AHDC1: variants seen among roughly 807,000 people sequenced by gnomAD.
AHDC1 encodes the protein AT-hook DNA binding motif containing 1.
In AHDC1, 7 loss-of-function variants were observed where a neutral mutation model predicts 87.9. The ratio of observed to expected loss-of-function variants is 0.08; its 90% confidence interval spans 0.05 to 0.15. AHDC1 has a LOEUF of 0.15. Ranked by LOEUF, AHDC1 falls within the 10% of genes least tolerant of loss-of-function variation. AHDC1 has a pLI of 1.00. For synonymous variants in AHDC1, 1,051 were observed against 1,006.8 expected (o/e 1.04, Z -0.83); for missense variants, 1,841 against 2,253.2 (o/e 0.82, Z 3.70).
intron 3 of AHDC1, among the ~76,000 whole-genome samples, chr1:27,579,161 C>A (rs372666188): frequency 1.3e-5 from 2 of 151,842 alleles, no homozygotes; most frequent in South Asian, 4.2e-4. Flanking sequence ...CCACCTCAGC[C>A]TCTTGCATAG....
At position 27,552,028 on chromosome 1, in the gene AHDC1, C is replaced by A; in HGVS notation, c.88G>T (p.Gly30Cys). ...AGGGGCCGGGGGGTGGGGGGGCCGCCGGGGTAGTACTTGGGTTCCCGGAGG... is the reference window on the plus strand; with the variant it reads ...AGGGGCCGGGGGGTGGGGGGGCCGCAGGGGTAGTACTTGGGTTCCCGGAGG... ...DYLREPKYYP[G>C]GPPTPRPLLP... Residue 30 changes from glycine (G) to cysteine (C), a missense_variant, in exon 8 of 9, where the codon GGC becomes TGC. Coordinates refer to ENST00000673934, the MANE Select transcript of AHDC1 (RefSeq NM_001371928.1). The A allele has an allele frequency of 6.9e-7, 1 of 1,439,790 alleles. No individual in the cohort carries two copies. 89.2% of individuals were successfully genotyped at this position (1,439,790 alleles called of 1,614,324 possible).
chr1:27,540,457 G>A (rs1276352929), intron 8 of AHDC1, among the ~76,000 whole-genome samples: 1 of 152,028 alleles, frequency 6.6e-6, no homozygotes, highest in African/African-American at 2.4e-5. Flanking sequence ...CTGGGTGGGG[G>A]AGGGGAGGAC....
chr1:27,539,394 C>T (rs2018803584), intron 8 of AHDC1, among the ~76,000 whole-genome samples: 1 of 152,078 alleles, frequency 6.6e-6, no homozygotes, highest in Non-Finnish European at 1.5e-5. Context: ...ACCTCGGCAC[C>T]CCAAAGTGCT....
In AHDC1 at chr1:27,548,096, G is replaced by C; in HGVS notation, c.4020C>G (p.Pro1340=). 1.2e-6 allele frequency: 2 copies of C among 1,613,954 alleles called. No individual in the cohort carries two copies. Among genetic ancestry groups the C allele is most frequent in the South Asian group, 1.1e-5 (1 of 91,086 alleles). The change falls in exon 8 of 9, where the codon CCC becomes CCG. Residue 1340 remains proline (P), a synonymous_variant. Coordinates refer to ENST00000673934, the MANE Select transcript of AHDC1 (RefSeq NM_001371928.1). ...SRAFGVGERD[P]CDFIGPYSMN... The stretch of plus-strand genomic sequence containing the variant: ...TGGAGTAGGGTCCTATGAAGTCACA[G>C]GGGTCTCGCTCTCCCACGCCGAAGG...
In AHDC1 at chr1:27,556,652, G is replaced by A. The variant is rs571796953; in HGVS notation, c.-225+1653C>T. Among the ~76,000 whole-genome samples, 22 of 152,166 alleles carry A rather than the reference G, an allele frequency of 1.4e-4. 1 individual carries two copies. The East Asian group carries it at 3.9e-3, about 27-fold the overall frequency. Reference sequence around the variant, plus strand: ...CTCATTTGGCATCATTTAAATAGAGGCACAGAGAGGTTAAGTTATGCCCTT... The same window carrying A: ...CTCATTTGGCATCATTTAAATAGAGACACAGAGAGGTTAAGTTATGCCCTT... On this transcript the variant is annotated intron_variant, in intron 5 of 8. Transcript: ENST00000673934.
intron 3 of AHDC1, among the ~76,000 whole-genome samples, chr1:27,592,813 TG>T (rs943065175): frequency 5.3e-5 from 8 of 152,116 alleles, no homozygotes; most frequent in Non-Finnish European, 8.8e-5. Flanking sequence ...CTGTGAGGGC[TG>T]GGGGTGGGAC....
At position 27,549,047 on chromosome 1, in the gene AHDC1, C is replaced by A; in HGVS notation, c.3069G>T (p.Pro1023=). Residue 1023 remains proline, a synonymous_variant, in exon 8 of 9, where the codon CCG becomes CCT. Coordinates refer to ENST00000673934, the MANE Select transcript of AHDC1 (RefSeq NM_001371928.1). ...SSAHSAGYAP[P]PTGGPCLPPS... ...GTGGCAGGCAGGGGCCCCCGGTAGG[C>A]GGTGGGGCATAGCCGGCGCTGTGGG... is the stretch of plus-strand genomic sequence containing the variant. The A allele has an allele frequency of 6.3e-7, 1 of 1,575,678 alleles. No homozygotes were observed. The highest frequency in any genetic ancestry group is 2.2e-5 in the East Asian group (1 of 44,492).
chr1:27,569,457 C>T (rs1347074640), intron 3 of AHDC1, among the ~76,000 whole-genome samples: 6 of 152,178 alleles, frequency 3.9e-5, no homozygotes, highest in Non-Finnish European at 7.3e-5. Flanking sequence ...TCCCATCACA[C>T]CACCTTACAC....
chr1:27,594,260 C>G (rs2089305038), intron 3 of AHDC1, among the ~76,000 whole-genome samples: 1 of 152,172 alleles, frequency 6.6e-6, no homozygotes, highest in Non-Finnish European at 1.5e-5. Context: ...GGTAGTATGT[C>G]AATCCAGCAC....
chr1:27,596,453 G>A lies in AHDC1; in HGVS notation c.-629+6944C>T, dbSNP rs994860630. ...AGAGAGGAAGAGGGAGGACAGGGGC[G>A]GGTATGTCTGTCCTTGTGCATCTGT... is the stretch of plus-strand genomic sequence containing the variant. On this transcript the variant is annotated intron_variant, in intron 3 of 8. Transcript: ENST00000673934. 3.9e-5 allele frequency among the ~76,000 whole-genome samples: 6 copies of A among 152,074 alleles called. No individual in the cohort carries two copies. In the East Asian group the frequency reaches 7.7e-4, roughly 20 times the overall value.
At chr1:27,589,319 G>C (rs1456028245) in intron 3 of AHDC1, among the ~76,000 whole-genome samples, 2 of 152,160 alleles carry the variant, frequency 1.3e-5, no homozygotes, top group Non-Finnish European at 2.9e-5. Flanking sequence ...GCCTGTGCTC[G>C]TGTGAGTACC....
intron 8 of AHDC1, among the ~76,000 whole-genome samples, chr1:27,542,362 C>A (rs192706233): frequency 2.8e-4 from 42 of 152,250 alleles, no homozygotes; most frequent in African/African-American, 9.9e-4. Flanking sequence ...GCCCCAAATC[C>A]ACACTAGAAT....
At chr1:27,567,709 C>T (rs370047763) in intron 3 of AHDC1, among the ~76,000 whole-genome samples, 1 of 152,228 alleles carries the variant, frequency 6.6e-6, no homozygotes. Flanking sequence ...AACACAAGCA[C>T]CCCCAAATCA....
chr1:27,551,305 G>A lies in AHDC1; in HGVS notation c.811C>T (p.Pro271Ser), dbSNP rs200660997. ...TGGGGGTCCAGGAGCTGAGGCTCCG[G>A]CTCGGGCGATGGTGGCTCGAGGGCC... is the stretch of plus-strand genomic sequence containing the variant. ...AQALEPPSPE[P>S]EPQLLDPQPR... Residue 271 changes from proline (P) to serine (S), a missense_variant, in exon 8 of 9, where the codon CCG becomes TCG. Coordinates refer to ENST00000673934, the MANE Select transcript of AHDC1 (RefSeq NM_001371928.1). 2.5e-6 allele frequency: 4 copies of A among 1,611,490 alleles called. No individual in the cohort carries two copies. The highest frequency in any genetic ancestry group is 3.4e-6 in the Non-Finnish European group (4 of 1,179,320).
intron 5 of AHDC1, among the ~76,000 whole-genome samples, chr1:27,555,689 C>T (rs1434192344): frequency 6.6e-6 from 1 of 152,224 alleles, no homozygotes; most frequent in African/African-American, 2.4e-5. Context: ...CTGGCACCCA[C>T]TTGGAGATGC....
Position 27,534,375 on chromosome 1 carries a change from A to T in AHDC1, c.*585T>A, listed in dbSNP as rs1234844386. 1.3e-5 allele frequency: 2 copies of T among 151,072 alleles called. No individual in the cohort carries two copies. Among genetic ancestry groups the T allele is most frequent in the Non-Finnish European group, 2.9e-5 (2 of 67,832 alleles). 9.4% of individuals were successfully genotyped at this position (151,072 alleles called of 1,614,324 possible). A position where few individuals can be genotyped will look rare whatever the true frequency, so the allele number is the denominator to read the frequency against. On this transcript the variant is annotated 3_prime_UTR_variant, in exon 9 of 9. Coordinates refer to ENST00000673934, the MANE Select transcript of AHDC1 (RefSeq NM_001371928.1). Reference sequence around the variant, plus strand: ...ACAACAACAACAGAAGAGAAAACCCAAAAGAGTGAAAAATAAGAAAGAAAA... The same window carrying T: ...ACAACAACAACAGAAGAGAAAACCCTAAAGAGTGAAAAATAAGAAAGAAAA...
chr1:27,543,713 G>T (rs2148231043), intron 8 of AHDC1, among the ~76,000 whole-genome samples: 1 of 152,284 alleles, frequency 6.6e-6, no homozygotes, highest in East Asian at 1.9e-4. Context: ...GGGAGGCTGA[G>T]GCAGGTGATT....
intron 3 of AHDC1, among the ~76,000 whole-genome samples, chr1:27,564,048 C>A (rs114265029): frequency 0.01 from 1,581 of 152,290 alleles, 21 homozygotes; most frequent in African/African-American, 0.035. Flanking sequence ...TTGAGACCCC[C>A]ATAGCTTCCA....
rs952771881 is a variant in AHDC1, at chr1:27,603,712, C to A, written c.-727+16G>T. 4 of 149,384 alleles carry A rather than the reference C, an allele frequency of 2.7e-5. No individual in the cohort carries two copies. Among genetic ancestry groups the A allele is most frequent in the Admixed American group, 2.6e-4 (4 of 15,116 alleles). The allele number at this position is 149,384 out of a possible 1,614,324, so 9.3% of individuals were successfully genotyped here. ...AGCCCTGGACACCCCCGCCCCCACC[C>A]CCCCCAATAGCAAACCTGGGAGGGA... On this transcript the variant is annotated intron_variant, in intron 2 of 8. Transcript: ENST00000673934.
Sources: allele counts gnomAD v4.1 joint callset (sites outside exome capture counted in the v4.1 genomes callset), GRCh38; gene constraint gnomAD v4.1.1; transcripts MANE v1.5; gene names NCBI Gene and HGNC (gene_info 2026-07-23, HGNC 2026-07-21).